SLC24A2: variants seen among roughly 807,000 people sequenced by gnomAD.
The protein encoded by SLC24A2 is sodium/potassium/calcium exchanger 2.
Under a neutral mutation model 62.0 loss-of-function variants are expected in SLC24A2, and 36 were observed. The observed-to-expected ratio is 0.58, with a 90% CI of 0.44 to 0.77. The LOEUF (loss-of-function observed/expected upper bound fraction) is 0.77, where lower values mean the gene tolerates loss of function less well. Ranked by LOEUF, SLC24A2 falls within the 30% of genes least tolerant of loss-of-function variation. The probability of loss-of-function intolerance (pLI) is 0.00; values close to 1 mark genes in which losing one functional copy is unlikely to be tolerated. For missense variants in SLC24A2, 846 were observed against 817.9 expected (o/e 1.03, Z -0.42); for synonymous variants, 358 against 294.0 (o/e 1.22, Z -2.23).
At chr9:19,928,031 A>G in the SLC24A2 span, 1 of 152,158 alleles carries the variant, frequency 6.6e-6, no homozygotes, top group African/African-American at 2.4e-5. Flanking sequence ...TCTTCGGCTC[A>G]CTCCTGGAGC....
chr9:19,681,374 C>T (rs538219083), intron 2 of SLC24A2, among the ~76,000 whole-genome samples: 1 of 152,206 alleles, frequency 6.6e-6, no homozygotes, highest in East Asian at 1.9e-4. Context: ...CGCAGAACTC[C>T]CTATCTCTTT....
the SLC24A2 span, among the ~76,000 whole-genome samples, chr9:19,964,368 A>T: frequency 6.6e-6 from 1 of 151,946 alleles, no homozygotes; most frequent in Non-Finnish European, 1.5e-5. Context: ...TTAAAGTAAA[A>T]TAATAATAAT....
At chr9:20,256,078 A>T in the SLC24A2 span, among the ~76,000 whole-genome samples, 11 of 152,352 alleles carry the variant, frequency 7.2e-5, no homozygotes, top group South Asian at 2.1e-3. Flanking sequence ...TTCTGAACTC[A>T]TCCTTTCATA....
the SLC24A2 span, among the ~76,000 whole-genome samples, chr9:20,269,821 C>A: frequency 2.0e-5 from 3 of 152,174 alleles, no homozygotes; most frequent in African/African-American, 7.2e-5. Context: ...TTGACCCAAA[C>A]AAAGGACTTG....
chr9:20,076,505 C>A, the SLC24A2 span, among the ~76,000 whole-genome samples: 1 of 152,074 alleles, frequency 6.6e-6, no homozygotes, highest in African/African-American at 2.4e-5. Flanking sequence ...CCAAGGAGCA[C>A]CAGTAAACAC....
chr9:19,959,040 C>T, the SLC24A2 span, among the ~76,000 whole-genome samples: 2 of 151,786 alleles, frequency 1.3e-5, no homozygotes, highest in Non-Finnish European at 2.9e-5. Context: ...TTCTGGTGTT[C>T]TATGGCCTTT....
At chr9:20,212,688 T>C in the SLC24A2 span, among the ~76,000 whole-genome samples, 1 of 151,154 alleles carries the variant, frequency 6.6e-6, no homozygotes, top group Non-Finnish European at 1.5e-5. Context: ...GTATGAGTGA[T>C]TTACTAACTA....
At chr9:19,707,664 T>C (rs1048558292) in intron 2 of SLC24A2, among the ~76,000 whole-genome samples, 1 of 152,220 alleles carries the variant, frequency 6.6e-6, no homozygotes, top group African/African-American at 2.4e-5. Context: ...CACATGATTA[T>C]CTCAATAGAT....
intron 2 of SLC24A2, among the ~76,000 whole-genome samples, chr9:19,637,576 G>A (rs926953920): frequency 6.6e-6 from 1 of 152,218 alleles, no homozygotes; most frequent in African/African-American, 2.4e-5. Flanking sequence ...GGAAATGGGT[G>A]CACTTCCTTG....
chr9:19,605,981 G>A (rs1489088180), intron 4 of SLC24A2, among the ~76,000 whole-genome samples: 1 of 152,186 alleles, frequency 6.6e-6, no homozygotes, highest in African/African-American at 2.4e-5. Context: ...AATCTGATGG[G>A]AAGAGGTCAC....
rs374432082 is a variant in SLC24A2, at chr9:19,569,474, A to G, written c.1347+3877T>C. ...CACTCCCAAGAGGAGGGTGAAGTCC[A>G]GACTGGTTGGCAGTGCGCACAATGT... On this transcript the variant is annotated intron_variant, in intron 7 of 10. Coordinates refer to ENST00000341998, the MANE Select transcript of SLC24A2 (RefSeq NM_020344.4). Among the ~76,000 whole-genome samples the G allele has an allele frequency of 1.0e-3, 155 of 152,330 alleles. 3 individuals are homozygous for G. In the South Asian group the frequency reaches 0.028, roughly 28 times the overall value.
chr9:20,119,699 A>T, the SLC24A2 span, among the ~76,000 whole-genome samples: 14 of 152,206 alleles, frequency 9.2e-5, no homozygotes, highest in Non-Finnish European at 1.6e-4. Flanking sequence ...GGGAAACAAG[A>T]CAAGAATGCC....
chr9:19,978,099 C>G, the SLC24A2 span, among the ~76,000 whole-genome samples: 11 of 152,120 alleles, frequency 7.2e-5, no homozygotes, highest in African/African-American at 2.7e-4. Flanking sequence ...TTGCAGAGAA[C>G]AAGAGATTTT....
At chr9:20,274,363 G>T in the SLC24A2 span, among the ~76,000 whole-genome samples, 2 of 152,140 alleles carry the variant, frequency 1.3e-5, no homozygotes, top group African/African-American at 4.8e-5. Context: ...ATTTTAGCTC[G>T]CATGAAGGAC....
the SLC24A2 span, among the ~76,000 whole-genome samples, chr9:19,838,455 C>CCACACACACACACCCA: frequency 6.9e-6 from 1 of 144,756 alleles, no homozygotes; most frequent in Non-Finnish European, 1.5e-5. Flanking sequence ...AGACCTAAAA[C>CCACACACACACACCCA]CACACACACA....
chr9:20,264,498 G>A, the SLC24A2 span, among the ~76,000 whole-genome samples: 1 of 152,090 alleles, frequency 6.6e-6, no homozygotes, highest in African/African-American at 2.4e-5. Context: ...ATCTTTTCTT[G>A]GTGGAATGGT....
the SLC24A2 span, among the ~76,000 whole-genome samples, chr9:20,108,145 G>A: frequency 6.6e-6 from 1 of 152,176 alleles, no homozygotes; most frequent in Non-Finnish European, 1.5e-5. Context: ...AAACCACAAT[G>A]AGATACCATC....
chr9:19,947,566 A>C, the SLC24A2 span, among the ~76,000 whole-genome samples: 1 of 152,040 alleles, frequency 6.6e-6, no homozygotes, highest in South Asian at 2.1e-4. Flanking sequence ...CGAGGTGGGC[A>C]CATCATGAGG....
the SLC24A2 span, among the ~76,000 whole-genome samples, chr9:20,136,865 T>A: frequency 6.6e-6 from 1 of 152,114 alleles, no homozygotes; most frequent in Non-Finnish European, 1.5e-5. Flanking sequence ...CTAAACACAT[T>A]TTCTCTTAAT....
Sources: allele counts gnomAD v4.1 joint callset (sites outside exome capture counted in the v4.1 genomes callset), GRCh38; gene constraint gnomAD v4.1.1; transcripts MANE v1.5; gene names NCBI Gene and HGNC (gene_info 2026-07-23, HGNC 2026-07-21).